ADGRF5: variants seen among roughly 807,000 people sequenced by gnomAD.
ADGRF5 encodes adhesion G protein-coupled receptor F5.
A neutral mutation model predicts 132.3 loss-of-function variants in ADGRF5; 75 were observed. That is an observed-to-expected ratio of 0.57 (90% confidence interval 0.47 to 0.69). The LOEUF is 0.69. Ranked by LOEUF, ADGRF5 falls within the 30% of genes least tolerant of loss-of-function variation. ADGRF5 has a pLI of 0.00. For synonymous variants in ADGRF5, 629 were observed against 597.6 expected (o/e 1.05, Z -0.77); for missense variants, 1,516 against 1,630.6 (o/e 0.93, Z 1.21).
intron 3 of ADGRF5, among the ~76,000 whole-genome samples, chr6:46,899,745 C>G (rs549401140): frequency 6.7e-6 from 1 of 149,514 alleles, no homozygotes; most frequent in Admixed American, 6.7e-5. Flanking sequence ...TTTGGTGGTG[C>G]GGGAGGGCAG....
chr6:46,921,095 CG>C (rs1776892470), intron 1 of ADGRF5, among the ~76,000 whole-genome samples: 1 of 152,176 alleles, frequency 6.6e-6, no homozygotes, highest in African/African-American at 2.4e-5. Flanking sequence ...CAAAACAAGT[CG>C]GCCTGGCCCT....
At chr6:46,890,297 T>C (rs2150859897) in intron 3 of ADGRF5, among the ~76,000 whole-genome samples, 1 of 152,146 alleles carries the variant, frequency 6.6e-6, no homozygotes, top group South Asian at 2.1e-4. Context: ...TTCGCCATGT[T>C]GCCCAGGCTT....
chr6:46,927,622 CTT>C (rs1198298161), intron 1 of ADGRF5, among the ~76,000 whole-genome samples: 1 of 152,166 alleles, frequency 6.6e-6, no homozygotes, highest in African/African-American at 2.4e-5. Context: ...TTTATCCTCT[CTT>C]TATTTATTAA....
chr6:46,882,126 T>A lies in ADGRF5; in HGVS notation c.613-19A>T. 2 of 1,576,004 alleles carry A rather than the reference T, an allele frequency of 1.3e-6. No individual in the cohort carries two copies. The highest frequency in any genetic ancestry group is 1.7e-6 in the Non-Finnish European group (2 of 1,145,570). On this transcript the variant is annotated intron_variant, in intron 6 of 20. Transcript: ENST00000283296. ...TCCGGAACTGAAAAATAAAGCAAGA[T>A]GAATGTCATATATCAAAGTCGAGAA...
At chr6:46,938,626 A>G (rs1777936067) in intron 1 of ADGRF5, among the ~76,000 whole-genome samples, 1 of 152,176 alleles carries the variant, frequency 6.6e-6, no homozygotes, top group Non-Finnish European at 1.5e-5. Flanking sequence ...TCACATGGGT[A>G]AGGTGCTTAA....
At chr6:46,948,477 T>A (rs1778380191) in intron 1 of ADGRF5, among the ~76,000 whole-genome samples, 2 of 12,580 alleles carry the variant, frequency 1.6e-4, no homozygotes, top group Non-Finnish European at 2.7e-4. Flanking sequence ...CTCTAGTGAG[T>A]GTGTGTGTGT....
At chr6:46,878,488 G>T in intron 9 of ADGRF5, 83 bp from the exon 10 acceptor site, 2 of 816,012 alleles carry the variant, frequency 2.5e-6, no homozygotes, top group Non-Finnish European at 4.0e-6. Context: ...CATGGATCAT[G>T]ACAGTACTTC....
chr6:46,863,531 T>A (rs986150833), intron 14 of ADGRF5, among the ~76,000 whole-genome samples: 3 of 152,196 alleles, frequency 2.0e-5, no homozygotes, highest in African/African-American at 7.2e-5. Context: ...TAATTGCTAG[T>A]AGGAACTCTA....
chr6:46,901,490 T>A (rs1774758139), intron 2 of ADGRF5, among the ~76,000 whole-genome samples: 1 of 152,174 alleles, frequency 6.6e-6, no homozygotes, highest in Admixed American at 6.5e-5. Context: ...TTATCTCACA[T>A]CATCACAATG....
chr6:46,893,391 G>C (rs753134095), intron 3 of ADGRF5, among the ~76,000 whole-genome samples: 30 of 152,092 alleles, frequency 2.0e-4, no homozygotes, highest in Admixed American at 3.9e-4. Flanking sequence ...AATGCACCGA[G>C]GTGACAGGAT....
chr6:46,868,963 T>C lies in ADGRF5; in HGVS notation c.1541A>G (p.Gln514Arg). ...ATACCTCCTCGTGGTATAAAATCTT[T>C]GGTATATTTTAATTCCAGCAGAAGT... ...WNTSAGIKIY[Q>R]RFYTTRRYLD... Residue 514 changes from glutamine to arginine, a missense_variant, in exon 12 of 21, where the codon CAA (glutamine) becomes CGA (arginine). Physicochemically the swap from Gln to Arg is conservative, Grantham distance 43 (BLOSUM62 1). Coordinates refer to ENST00000283296, the MANE Select transcript of ADGRF5 (RefSeq NM_001098518.2). 3.1e-6 allele frequency: 5 copies of C among 1,612,858 alleles called. No homozygotes were observed. The highest frequency in any genetic ancestry group is 4.2e-6 in the Non-Finnish European group (5 of 1,178,858).
At chr6:46,920,383 G>A (rs778084829) in intron 1 of ADGRF5, among the ~76,000 whole-genome samples, 2 of 152,084 alleles carry the variant, frequency 1.3e-5, no homozygotes, top group Admixed American at 6.5e-5. Context: ...TTCACTGAGA[G>A]GAAGGAGTTT....
chr6:46,869,499 T>G, intron 11 of ADGRF5: 1 of 392,938 alleles, frequency 2.5e-6, no homozygotes, highest in Non-Finnish European at 3.5e-6. Context: ...ATCTCTACTC[T>G]TTTAAAATAC....
intron 3 of ADGRF5, among the ~76,000 whole-genome samples, chr6:46,890,272 T>C (rs1773514578): frequency 6.6e-6 from 1 of 151,988 alleles, no homozygotes; most frequent in Admixed American, 6.5e-5. Flanking sequence ...TCTGTACTTT[T>C]TGTACAGATG....
At chr6:46,949,345 A>G (rs1282949384) in intron 1 of ADGRF5, among the ~76,000 whole-genome samples, 2 of 152,192 alleles carry the variant, frequency 1.3e-5, no homozygotes, top group Admixed American at 1.3e-4. Context: ...AGGATAAAGT[A>G]TTAACAGAAA....
chr6:46,919,800 A>G (rs1292908438), intron 1 of ADGRF5, among the ~76,000 whole-genome samples: 1 of 152,254 alleles, frequency 6.6e-6, no homozygotes, highest in Admixed American at 6.5e-5. Context: ...GAAACCCTGT[A>G]AAGAACAAGA....
chr6:46,865,935 G>T (rs600971), intron 13 of ADGRF5, among the ~76,000 whole-genome samples: 1 of 151,956 alleles, frequency 6.6e-6, no homozygotes, highest in African/African-American at 2.4e-5. Context: ...CGTTGAGTAA[G>T]CCCTCCAGAA....
At chr6:46,950,229 G>T (rs1254211059) in intron 1 of ADGRF5, among the ~76,000 whole-genome samples, 3 of 152,136 alleles carry the variant, frequency 2.0e-5, no homozygotes, top group Non-Finnish European at 2.9e-5. Context: ...ACACCACAAG[G>T]CAGCTCACTC....
At chr6:46,895,551 G>A (rs545086553) in intron 3 of ADGRF5, among the ~76,000 whole-genome samples, 197 of 151,256 alleles carry the variant, frequency 1.3e-3, no homozygotes, top group Middle Eastern at 3.4e-3. Flanking sequence ...CGTGCTAGCA[G>A]CCAGAGACCC....
Sources: gnomAD v4.1 joint callset for allele counts (sites outside exome capture counted in the v4.1 genomes callset) on GRCh38, gnomAD v4.1.1 for gene constraint, MANE v1.5 for transcripts, NCBI Gene and HGNC (gene_info 2026-07-23, HGNC 2026-07-21) for gene names.